Variants in PSD3 observed in about 807,000 individuals in gnomAD.
PSD3 encodes the protein PH and SEC7 domain-containing protein 3.
A neutral mutation model predicts 105.5 loss-of-function variants in PSD3; 49 were observed. The observed-to-expected ratio is 0.46, with a 90% CI of 0.37 to 0.59. The LOEUF (loss-of-function observed/expected upper bound fraction) is 0.59, where lower values mean the gene tolerates loss of function less well. Ranked by LOEUF, PSD3 falls within the 20% of genes least tolerant of loss-of-function variation. The pLI, the probability that PSD3 is intolerant of heterozygous loss-of-function variation, is 0.00. For missense variants in PSD3, 1,561 were observed against 1,263.8 expected, an observed-to-expected ratio of 1.24 and a Z score of -3.57; for synonymous variants, 557 against 457.8, an observed-to-expected ratio of 1.22 and a Z score of -2.77.
chr8:18,648,218 G>T (rs559521090), intron 10 of PSD3, among the ~76,000 whole-genome samples: 4 of 152,306 alleles, frequency 2.6e-5, no homozygotes, highest in African/African-American at 9.6e-5. Flanking sequence ...AAGATGACAG[G>T]AAGATGAGGG....
chr8:18,727,619 C>T (rs902399172), intron 9 of PSD3, among the ~76,000 whole-genome samples: 21 of 151,534 alleles, frequency 1.4e-4, no homozygotes, highest in Non-Finnish European at 2.1e-4. Context: ...TCATCTTTAC[C>T]TCTCTGCCAC....
intron 15 of PSD3, among the ~76,000 whole-genome samples, chr8:18,548,086 G>C (rs149785742): frequency 7.9e-5 from 12 of 152,108 alleles, no homozygotes; most frequent in Admixed American, 5.9e-4. Context: ...AAGAAAGTCT[G>C]CTGTTGACAC....
intron 1 of PSD3, among the ~76,000 whole-genome samples, chr8:19,035,766 T>C (rs1373904366): frequency 6.9e-6 from 1 of 145,674 alleles, no homozygotes; most frequent in Admixed American, 6.9e-5. Flanking sequence ...TTGGGGGGGG[T>C]GTGGGGGTGA....
intron 1 of PSD3, among the ~76,000 whole-genome samples, chr8:19,074,584 G>GATATATATATATATATATATATAT (rs57891868): frequency 3.0e-5 from 3 of 99,536 alleles, no homozygotes; most frequent in Admixed American, 1.1e-4. Context: ...TTACAACTCA[G>GATATATATATATATATATATATAT]ATATATACAT....
intron 4 of PSD3, among the ~76,000 whole-genome samples, chr8:18,817,449 A>AT (rs1216380236): frequency 6.6e-6 from 1 of 152,120 alleles, no homozygotes. Flanking sequence ...CTAGTCTGTG[A>AT]TTTTTCTAAG....
intron 12 of PSD3, among the ~76,000 whole-genome samples, chr8:18,585,863 T>G (rs1242711094): frequency 6.6e-6 from 1 of 152,162 alleles, no homozygotes; most frequent in East Asian, 1.9e-4. Flanking sequence ...AAATCAGCAA[T>G]TAGTTAAGTG....
At position 18,530,860 on chromosome 8, in the gene PSD3, C is replaced by A. The variant is rs1799605615; in HGVS notation, c.*4883G>T. 1 of 152,000 alleles carries A rather than the reference C, an allele frequency of 6.6e-6. No individual in the cohort carries two copies. Among genetic ancestry groups the A allele is most frequent in the Non-Finnish European group, 1.5e-5 (1 of 68,004 alleles). 9.4% of individuals were successfully genotyped at this position (152,000 alleles called of 1,614,324 possible). A position where few individuals can be genotyped will look rare whatever the true frequency, so the allele number is the denominator to read the frequency against. ...ATAAAGTCTTATTAAAAATTTTAAT[C>A]AAAATATTATTTGAGTTTAAGTTTA... is the stretch of plus-strand genomic sequence containing the variant. On this transcript the variant is annotated 3_prime_UTR_variant, in exon 16 of 16. Coordinates refer to ENST00000327040, the MANE Select transcript of PSD3 (RefSeq NM_015310.4).
chr8:18,855,678 A>G (rs1245048378), intron 4 of PSD3, among the ~76,000 whole-genome samples: 1 of 134,234 alleles, frequency 7.4e-6, no homozygotes, highest in African/African-American at 3.0e-5. Flanking sequence ...GATAGCTTGT[A>G]TATGAAGCTG....
intron 11 of PSD3, among the ~76,000 whole-genome samples, chr8:18,616,202 C>G (rs545097616): frequency 6.6e-6 from 1 of 152,240 alleles, no homozygotes; most frequent in Non-Finnish European, 1.5e-5. Context: ...CCACGATGGC[C>G]TCTTAGCTTT....
At chr8:18,823,186 A>G (rs1448892265) in intron 4 of PSD3, among the ~76,000 whole-genome samples, 2 of 152,048 alleles carry the variant, frequency 1.3e-5, no homozygotes, top group African/African-American at 4.8e-5. Context: ...ACTTCCCCTC[A>G]GAGGATACAC....
rs1039655482 is a variant in PSD3 at position 18,531,063 on chromosome 8, C to T, written c.*4680G>A. The T allele has an allele frequency of 1.3e-5, 2 of 152,228 alleles. No homozygotes were observed. The highest frequency in any genetic ancestry group is 6.6e-5 in the Admixed American group (1 of 15,250). 9.4% of individuals were successfully genotyped at this position (152,228 alleles called of 1,614,324 possible). On this transcript the variant is annotated 3_prime_UTR_variant, in exon 16 of 16. Transcript: ENST00000327040. ...ATTTACATACATACAACTATAAATA[C>T]CCACAAATACAACAATGGCAGGTGA...
In PSD3 at chr8:18,659,887, C is replaced by G. The variant is rs541233978; in HGVS notation, c.2173-4202G>C. Among the ~76,000 whole-genome samples, 9 of 152,278 alleles carry G rather than the reference C, an allele frequency of 5.9e-5. 1 individual carries two copies. In the South Asian group the frequency reaches 1.9e-3, roughly 32 times the overall value. ...CTATGTGAGGGGTTATCTGGCCTAG[C>G]TGCAAGAGGGCAGGGTTTGGGGAGA... is the stretch of plus-strand genomic sequence containing the variant. On this transcript the variant is annotated intron_variant, in intron 9 of 15. Coordinates refer to ENST00000327040, the MANE Select transcript of PSD3 (RefSeq NM_015310.4).
At chr8:18,615,883 A>C (rs1805623757) in intron 11 of PSD3, among the ~76,000 whole-genome samples, 1 of 152,152 alleles carries the variant, frequency 6.6e-6, no homozygotes, top group African/African-American at 2.4e-5. Context: ...AATTCAAATA[A>C]GCTATTGTAA....
At chr8:18,886,653 G>C (rs1586330052) in intron 2 of PSD3, among the ~76,000 whole-genome samples, 1 of 152,304 alleles carries the variant, frequency 6.6e-6, no homozygotes, top group East Asian at 1.9e-4. Context: ...CATAGAAAAT[G>C]CCCAGTTCAT....
At chr8:18,566,129 C>T (rs1480725705) in intron 14 of PSD3, among the ~76,000 whole-genome samples, 1 of 152,094 alleles carries the variant, frequency 6.6e-6, no homozygotes, top group African/African-American at 2.4e-5. Flanking sequence ...GGTGCTACTC[C>T]AAATACATGC....
At chr8:18,692,487 C>G (rs961498791) in intron 9 of PSD3, among the ~76,000 whole-genome samples, 6 of 152,106 alleles carry the variant, frequency 3.9e-5, no homozygotes, top group African/African-American at 1.2e-4. Context: ...GAACAGCAGT[C>G]TGTGCCAAGG....
chr8:18,729,084 G>A (rs778027699), intron 9 of PSD3, among the ~76,000 whole-genome samples: 2 of 152,144 alleles, frequency 1.3e-5, no homozygotes, highest in Non-Finnish European at 2.9e-5. Flanking sequence ...AAGAACAGCT[G>A]TAAAATTTAA....
chr8:18,746,675 C>A (rs536594506), intron 9 of PSD3, among the ~76,000 whole-genome samples: 1 of 152,222 alleles, frequency 6.6e-6, no homozygotes, highest in Non-Finnish European at 1.5e-5. Flanking sequence ...TTCAACCACA[C>A]GGCATACAGT....
At chr8:18,766,002 A>G (rs995294518) in intron 8 of PSD3, among the ~76,000 whole-genome samples, 1 of 151,408 alleles carries the variant, frequency 6.6e-6, no homozygotes, top group Non-Finnish European at 1.5e-5. Context: ...ACAGACAAAC[A>G]AACAAACAAA....
Sources: gnomAD v4.1 joint callset for allele counts (sites outside exome capture counted in the v4.1 genomes callset) on GRCh38, gnomAD v4.1.1 for gene constraint, MANE v1.5 for transcripts, NCBI Gene and HGNC (gene_info 2026-07-23, HGNC 2026-07-21) for gene names.